Variants in ATXN10 observed in about 807,000 individuals in gnomAD.
The protein encoded by ATXN10 is ataxin 10.
A neutral mutation model predicts 52.9 loss-of-function variants in ATXN10; 28 were observed. That is an observed-to-expected ratio of 0.53 (90% CI 0.39 to 0.73). ATXN10 has a LOEUF of 0.73. Ranked by LOEUF, ATXN10 falls within the 30% of genes least tolerant of loss-of-function variation. ATXN10 has a pLI of 0.00. For synonymous variants in ATXN10, 226 were observed against 221.5 expected, an observed-to-expected ratio of 1.02 and a Z score of -0.18; for missense variants, 565 against 577.0, an observed-to-expected ratio of 0.98 and a Z score of 0.21.
intron 3 of ATXN10, among the ~76,000 whole-genome samples, chr22:45,697,958 A>G (rs1923684950): frequency 6.6e-6 from 1 of 152,146 alleles, no homozygotes; most frequent in Non-Finnish European, 1.5e-5. Flanking sequence ...AGGTTCATCC[A>G]CCTTGTAGTG....
intron 5 of ATXN10, among the ~76,000 whole-genome samples, chr22:45,704,479 A>G (rs1923962991): frequency 6.6e-6 from 1 of 152,090 alleles, no homozygotes; most frequent in Admixed American, 6.5e-5. Flanking sequence ...TGTAGTTTTT[A>G]GTCTATGAGT....
rs772020154 is a variant in ATXN10 at position 45,816,123 on chromosome 22, C to T, written c.1237+9101C>T. Among the ~76,000 whole-genome samples the T allele has an allele frequency of 3.9e-5, 6 of 152,028 alleles. No homozygotes were observed. Among genetic ancestry groups the T allele is most frequent in the Non-Finnish European group, 7.4e-5 (5 of 67,990 alleles). On this transcript the variant is annotated intron_variant, in intron 10 of 11. Coordinates refer to ENST00000252934, the MANE Select transcript of ATXN10 (RefSeq NM_013236.4). The surrounding 1 kb of genome is among the most constrained non-coding windows in gnomAD (Gnocchi z 5.8). ...AAAAAATTCGCTAGGCGTGGTGGCA[C>T]GCACCCTTAGTCCCAGCTACTCGGG...
rs1013596984 is a variant in ATXN10, at chr22:45,678,723, A to C, written c.116+6544A>C. The C allele has an allele frequency of 1.3e-5, 2 of 152,098 alleles. No homozygotes were observed. Among genetic ancestry groups the C allele is most frequent in the Non-Finnish European group, 2.9e-5 (2 of 68,016 alleles). The allele number at this position is 152,098 out of a possible 1,614,324, so 9.4% of individuals were successfully genotyped here. A position where few individuals can be genotyped will look rare whatever the true frequency, so the allele number is the denominator to read the frequency against. On this transcript the variant is annotated intron_variant, in intron 1 of 11. Coordinates refer to ENST00000252934, the MANE Select transcript of ATXN10 (RefSeq NM_013236.4). This position sits in a 1 kb window ranked among gnomAD's most constrained non-coding sequence, Gnocchi z 4.1. ...CAGTGAGCCAATCAGTAATTACTCAAATTGCTAAAATGCTATTGATTAGTT... is the reference window on the plus strand; with the variant it reads ...CAGTGAGCCAATCAGTAATTACTCACATTGCTAAAATGCTATTGATTAGTT...
chr22:45,839,845 T>C (rs931940817), intron 10 of ATXN10, among the ~76,000 whole-genome samples: 4 of 152,210 alleles, frequency 2.6e-5, no homozygotes, highest in African/African-American at 9.6e-5. Flanking sequence ...TAAAAAGCCC[T>C]GGGTCGGGAA....
At chr22:45,832,688 G>A (rs965682211) in intron 10 of ATXN10, among the ~76,000 whole-genome samples, 5 of 152,236 alleles carry the variant, frequency 3.3e-5, no homozygotes, top group African/African-American at 7.2e-5. Context: ...ACATTCAGAT[G>A]TAAGATTAAC....
rs1174332496 is a variant in ATXN10, at chr22:45,795,631, G to A, written c.1174-11328G>A. On this transcript the variant is annotated intron_variant, in intron 9 of 11. Transcript: ENST00000252934. This position sits in a 1 kb window ranked among gnomAD's most constrained non-coding sequence, Gnocchi z 4.6. Reference sequence around the variant, plus strand: ...GGGAAGTCAGGGACCCTGAACGGAGGGACTGGCTGAAGCCATGGCAGAAGA... The same window carrying A: ...GGGAAGTCAGGGACCCTGAACGGAGAGACTGGCTGAAGCCATGGCAGAAGA... 6.6e-6 allele frequency among the ~76,000 whole-genome samples: 1 copy of A among 151,986 alleles called. No homozygotes were observed. The highest frequency in any genetic ancestry group is 6.6e-5 in the Admixed American group (1 of 15,246).
chr22:45,749,341 T>C (rs1925856606), intron 9 of ATXN10, among the ~76,000 whole-genome samples: 1 of 152,144 alleles, frequency 6.6e-6, no homozygotes, highest in South Asian at 2.1e-4. Context: ...AAATTCTGAC[T>C]CCAGAGCCCA....
intron 9 of ATXN10, among the ~76,000 whole-genome samples, chr22:45,746,676 C>T (rs1040007716): frequency 1.8e-4 from 27 of 149,302 alleles, no homozygotes; most frequent in Non-Finnish European, 3.1e-4. Context: ...TTCATACTTT[C>T]CCTGAGTGAC....
Position 45,843,882 on chromosome 22 carries a change from T to C in ATXN10, c.*211T>C. On this transcript the variant is annotated 3_prime_UTR_variant, in exon 12 of 12. Transcript: ENST00000252934. This position sits in a 1 kb window ranked among gnomAD's most constrained non-coding sequence, Gnocchi z 4.5. ...CTTTGCATTAATGTAACTGTGTGGT[T>C]TGCCTTTGTCCCCCTGGATAGAACG... 1 of 608,318 alleles carries C rather than the reference T, an allele frequency of 1.6e-6. No homozygotes were observed. Among genetic ancestry groups the C allele is most frequent in the Non-Finnish European group, 2.9e-6 (1 of 344,224 alleles). The allele number at this position is 608,318 out of a possible 1,614,324, so 37.7% of individuals were successfully genotyped here. A position where few individuals can be genotyped will look rare whatever the true frequency, so the allele number is the denominator to read the frequency against.
rs1922779695 is a variant in ATXN10, at chr22:45,678,243, A to T, written c.116+6064A>T. ...GGCAAATTTTATGTTATATATATGTATTTTACCACAGTTAAAAAAATTAAT... is the reference window on the plus strand; with the variant it reads ...GGCAAATTTTATGTTATATATATGTTTTTTACCACAGTTAAAAAAATTAAT... On this transcript the variant is annotated intron_variant, in intron 1 of 11. Coordinates refer to ENST00000252934, the MANE Select transcript of ATXN10 (RefSeq NM_013236.4). This position sits in a 1 kb window ranked among gnomAD's most constrained non-coding sequence, Gnocchi z 4.1. 2 of 152,226 alleles carry T rather than the reference A, an allele frequency of 1.3e-5. No homozygotes were observed. The highest frequency in any genetic ancestry group is 4.8e-5 in the African/African-American group (2 of 41,462). The allele number at this position is 152,226 out of a possible 1,614,324, so 9.4% of individuals were successfully genotyped here. A position where few individuals can be genotyped will look rare whatever the true frequency, so the allele number is the denominator to read the frequency against.
chr22:45,788,193 C>T (rs1256285583), intron 9 of ATXN10, among the ~76,000 whole-genome samples: 2 of 152,112 alleles, frequency 1.3e-5, no homozygotes, highest in African/African-American at 4.8e-5. Context: ...GACATAACTG[C>T]TCACATTTTC....
intron 9 of ATXN10, among the ~76,000 whole-genome samples, chr22:45,753,013 C>T (rs1926039626): frequency 6.6e-6 from 1 of 152,060 alleles, no homozygotes. Context: ...GGATTACAGG[C>T]GTAAGCTACC....
chr22:45,785,979 C>T (rs1020117209), intron 9 of ATXN10, among the ~76,000 whole-genome samples: 3 of 152,192 alleles, frequency 2.0e-5, no homozygotes, highest in African/African-American at 7.2e-5. Context: ...ATTCAACATT[C>T]ATTCACCAAA....
intron 5 of ATXN10, among the ~76,000 whole-genome samples, chr22:45,717,266 G>A (rs1924484035): frequency 6.6e-6 from 1 of 151,998 alleles, no homozygotes; most frequent in African/African-American, 2.4e-5. Flanking sequence ...ATGTTCTTCT[G>A]TAAATTATCT....
intron 8 of ATXN10, 144 bp from the exon 9 acceptor site, chr22:45,740,225 C>CTTCTAATCATTTT: frequency 3.8e-6 from 3 of 781,464 alleles, no homozygotes; most frequent in African/African-American, 3.5e-5. Flanking sequence ...GCAGAAGAGC[C>CTTCTAATCATTTT]TTGTAATCAT....
intron 3 of ATXN10, among the ~76,000 whole-genome samples, chr22:45,695,553 G>C (rs552384480): frequency 6.7e-6 from 1 of 149,126 alleles, no homozygotes; most frequent in Admixed American, 6.7e-5. Flanking sequence ...GCAGTGGTGC[G>C]ATATTGGCTC....
chr22:45,730,678 C>T lies in ATXN10; in HGVS notation c.894+1088C>T, dbSNP rs558186439. Among the ~76,000 whole-genome samples, 293 of 152,350 alleles carry T rather than the reference C, an allele frequency of 1.9e-3. 1 individual carries two copies. Among genetic ancestry groups the T allele is most frequent in the African/African-American group, 6.9e-3 (285 of 41,574 alleles). On this transcript the variant is annotated intron_variant, in intron 7 of 11. Transcript: ENST00000252934. Reference sequence around the variant, plus strand: ...TCTTGAACTCCTGACTTCATGTGATCTGCCTGCCTCGGCCTGCCAAGGTGC... The same window carrying T: ...TCTTGAACTCCTGACTTCATGTGATTTGCCTGCCTCGGCCTGCCAAGGTGC...
Position 45,790,736 on chromosome 22 carries a change from C to G in ATXN10, c.1174-16223C>G, listed in dbSNP as rs1219959399. On this transcript the variant is annotated intron_variant, in intron 9 of 11. Coordinates refer to ENST00000252934, the MANE Select transcript of ATXN10 (RefSeq NM_013236.4). This position sits in a 1 kb window ranked among gnomAD's most constrained non-coding sequence, Gnocchi z 4.7. ...TCTGTTCAAATAGCCACTGAAACAT[C>G]TACTCTTTTCTACACTTCACTGTAA... Among the ~76,000 whole-genome samples the G allele has an allele frequency of 1.3e-5, 2 of 152,226 alleles. No individual in the cohort carries two copies. Among genetic ancestry groups the G allele is most frequent in the African/African-American group, 4.8e-5 (2 of 41,460 alleles).
rs567439309 is a variant in ATXN10, at chr22:45,678,765, C to T, written c.116+6586C>T. 6.6e-5 allele frequency: 10 copies of T among 152,294 alleles called. No homozygotes were observed. The highest frequency in any genetic ancestry group is 2.4e-4 in the African/African-American group (10 of 41,574). 9.4% of individuals were successfully genotyped at this position (152,294 alleles called of 1,614,324 possible). On this transcript the variant is annotated intron_variant, in intron 1 of 11. Transcript: ENST00000252934. This position sits in a 1 kb window ranked among gnomAD's most constrained non-coding sequence, Gnocchi z 4.1. The stretch of plus-strand genomic sequence containing the variant: ...TGATTAGTTTACCATGTAATTCATT[C>T]ATTGACTCACACCACACATGATACA...
Sources: gnomAD v4.1 joint callset for allele counts (sites outside exome capture counted in the v4.1 genomes callset) on GRCh38, gnomAD v4.1.1 for gene constraint, Gnocchi (gnomAD v3.1) non-coding constraint, MANE v1.5 for transcripts, NCBI Gene and HGNC (gene_info 2026-07-23, HGNC 2026-07-21) for gene names.